PDE4B: variants seen among roughly 807,000 people sequenced by gnomAD.
The protein encoded by PDE4B is 3',5'-cyclic-AMP phosphodiesterase 4B.
In PDE4B, 20 loss-of-function variants were observed where a neutral mutation model predicts 82.2. That is an observed-to-expected ratio of 0.24 (90% CI 0.17 to 0.35). The LOEUF is 0.35. Among genes scored for constraint, PDE4B ranks in the 10% least tolerant of loss-of-function variants. The probability of loss-of-function intolerance (pLI) is 1.00; values close to 1 mark genes in which losing one functional copy is unlikely to be tolerated. For missense variants in PDE4B, 655 were observed against 907.2 expected (o/e 0.72, Z 3.57); for synonymous variants, 320 against 318.9 (o/e 1.00, Z -0.04).
chr1:65,821,305 G>A (rs1362470481), intron 1 of PDE4B, among the ~76,000 whole-genome samples: 1 of 152,218 alleles, frequency 6.6e-6, no homozygotes, highest in African/African-American at 2.4e-5. Flanking sequence ...TTCCAATGCT[G>A]TTAAGTACAA....
At chr1:65,797,877 C>T (rs886370807) in intron 1 of PDE4B, among the ~76,000 whole-genome samples, 1 of 152,164 alleles carries the variant, frequency 6.6e-6, no homozygotes, top group Non-Finnish European at 1.5e-5. Context: ...AAGACATCCA[C>T]TGCTCTATTG....
At chr1:66,012,299 T>C (rs1652529609) in intron 3 of PDE4B, among the ~76,000 whole-genome samples, 1 of 152,144 alleles carries the variant, frequency 6.6e-6, no homozygotes, top group Non-Finnish European at 1.5e-5. Context: ...TCTCTAGGCG[T>C]TTAATGTTTC....
chr1:66,190,108 C>T (rs1055055805), intron 3 of PDE4B, among the ~76,000 whole-genome samples: 1 of 152,182 alleles, frequency 6.6e-6, no homozygotes, highest in African/African-American at 2.4e-5. Context: ...ACTCCAGACC[C>T]TGTTTGCCTG....
chr1:66,179,983 C>A (rs555248820), intron 3 of PDE4B, among the ~76,000 whole-genome samples: 1 of 152,290 alleles, frequency 6.6e-6, no homozygotes, highest in Admixed American at 6.5e-5. Context: ...GATTTTAAAA[C>A]CTCATTGACA....
chr1:66,090,850 C>A (rs183369761), intron 3 of PDE4B, among the ~76,000 whole-genome samples: 2 of 151,562 alleles, frequency 1.3e-5, no homozygotes, highest in Non-Finnish European at 2.9e-5. Context: ...ACTTCTTTTA[C>A]GCTGTATGAC....
rs542094891 is a variant in PDE4B at position 66,262,609 on chromosome 1, C to A, written c.585-3429C>A. 1.8e-3 allele frequency among the ~76,000 whole-genome samples: 272 copies of A among 152,362 alleles called. 1 individual carries two copies. The highest frequency in any genetic ancestry group is 3.5e-3 in the South Asian group (17 of 4,830). On this transcript the variant is annotated intron_variant, in intron 6 of 16. Coordinates refer to ENST00000341517, the MANE Select transcript of PDE4B (RefSeq NM_002600.4). The stretch of plus-strand genomic sequence containing the variant: ...TTTGGAAACTGAGCAACCAATACCA[C>A]TTTCCTCTGGCATTCCTTACAATTT...
chr1:66,113,783 A>G (rs188886322), intron 3 of PDE4B, among the ~76,000 whole-genome samples: 1 of 152,222 alleles, frequency 6.6e-6, no homozygotes, highest in Non-Finnish European at 1.5e-5. Context: ...TCTTTAAACT[A>G]TAATACTACC....
chr1:66,271,806 T>C (rs1016802085), intron 7 of PDE4B, among the ~76,000 whole-genome samples: 2 of 152,244 alleles, frequency 1.3e-5, no homozygotes, highest in Non-Finnish European at 2.9e-5. Context: ...TATCTTGATG[T>C]TGACTTGGTT....
intron 6 of PDE4B, among the ~76,000 whole-genome samples, chr1:66,263,642 G>C (rs1045561732): frequency 1.3e-5 from 2 of 152,282 alleles, no homozygotes; most frequent in African/African-American, 4.8e-5. Context: ...GAGATAATAT[G>C]TGCCAATATG....
chr1:66,370,172 A>G (rs893224879), intron 16 of PDE4B, among the ~76,000 whole-genome samples: 1 of 150,742 alleles, frequency 6.6e-6, no homozygotes, highest in South Asian at 2.1e-4. Flanking sequence ...AAAAAAAAAA[A>G]AAAAAAGAAA....
At chr1:65,793,558 C>A (rs576010868) in intron 1 of PDE4B, among the ~76,000 whole-genome samples, 24 of 152,278 alleles carry the variant, frequency 1.6e-4, no homozygotes, top group Admixed American at 1.4e-3. Context: ...CAGAAGGATT[C>A]AGGGCTTGGA....
In PDE4B at chr1:66,367,936, A is replaced by AC; in HGVS notation, c.1540-4dup. The stretch of plus-strand genomic sequence containing the variant: ...TATTAAGAGTTTTCATTTTCTTTTT[A>AC]CCCAAGGTGTTAGCAACTGATATGT... On this transcript the variant is annotated splice_polypyrimidine_tract_variant and splice_region_variant and intron_variant, in intron 14 of 16. Transcript: ENST00000341517. 1 of 1,613,156 alleles carries AC rather than the reference A, an allele frequency of 6.2e-7. No individual in the cohort carries two copies. The highest frequency in any genetic ancestry group is 8.5e-7 in the Non-Finnish European group (1 of 1,179,602).
intron 9 of PDE4B, 119 bp downstream of exon 9, chr1:66,355,739 A>G: frequency 1.8e-6 from 1 of 542,590 alleles, no homozygotes; most frequent in Non-Finnish European, 3.3e-6. Context: ...AGAAAAATCC[A>G]TTTAAAATAA....
chr1:66,363,537 C>T lies in PDE4B; in HGVS notation c.1250C>T (p.Ser417Leu), dbSNP rs1662982702. The change falls in exon 12 of 17, where the codon TCG becomes TTG. Residue 417 changes from serine to leucine, a missense_variant. Physicochemically the swap from Ser to Leu is moderately radical, Grantham distance 145. This residue lies in a region of PDE4B where 283 missense variants were observed against 516.4 expected (regional missense o/e 0.55). Coordinates refer to ENST00000341517, the MANE Select transcript of PDE4B (RefSeq NM_002600.4). ...CTGCACGCTGCTGATGTAGCCCAGT[C>T]GACCCATGTTCTCCTTTCTACACCA... is the stretch of plus-strand genomic sequence containing the variant. ...NSLHAADVAQ[S>L]THVLLSTPAL... is the part of the protein sequence containing the mutation. 1.2e-6 allele frequency: 2 copies of T among 1,613,308 alleles called. No individual in the cohort carries two copies. Among genetic ancestry groups the T allele is most frequent in the Non-Finnish European group, 1.7e-6 (2 of 1,179,714 alleles).
intron 3 of PDE4B, among the ~76,000 whole-genome samples, chr1:66,138,922 C>A (rs1295685203): frequency 6.6e-6 from 1 of 152,138 alleles, no homozygotes; most frequent in Non-Finnish European, 1.5e-5. Flanking sequence ...TGGGAGAGGG[C>A]CTTGATCTTT....
intron 3 of PDE4B, among the ~76,000 whole-genome samples, chr1:66,188,990 GT>G: frequency 6.6e-6 from 1 of 152,248 alleles, no homozygotes; most frequent in Non-Finnish European, 1.5e-5. Context: ...TCCTTTCTAT[GT>G]TTAGTGCTTC....
At chr1:66,306,181 A>G (rs1157312334) in intron 7 of PDE4B, among the ~76,000 whole-genome samples, 1 of 152,208 alleles carries the variant, frequency 6.6e-6, no homozygotes, top group Non-Finnish European at 1.5e-5. Context: ...TGATAAGAGC[A>G]TGAGATGTTA....
At chr1:66,096,020 GT>G (rs1645106937) in intron 3 of PDE4B, among the ~76,000 whole-genome samples, 1 of 151,728 alleles carries the variant, frequency 6.6e-6, no homozygotes. Context: ...ATTGCTTTGT[GT>G]TAGGAACATC....
chr1:65,816,339 G>C (rs1246542999), intron 1 of PDE4B, among the ~76,000 whole-genome samples: 2 of 151,852 alleles, frequency 1.3e-5, no homozygotes, highest in Non-Finnish European at 2.9e-5. Context: ...ATTCTCCATA[G>C]TAACCAAATA....
Sources: allele counts gnomAD v4.1 joint callset (sites outside exome capture counted in the v4.1 genomes callset), GRCh38; gene constraint gnomAD v4.1.1; regional missense constraint gnomAD v4.1.1; transcripts MANE v1.5; gene names NCBI Gene and HGNC (gene_info 2026-07-23, HGNC 2026-07-21).